ARL15: variants seen among roughly 807,000 people sequenced by gnomAD.
The protein encoded by ARL15 is ARF like GTPase 15, also known as ADP-ribosylation factor-like protein 15.
In ARL15, 19 loss-of-function variants were observed where a neutral mutation model predicts 25.2. The observed-to-expected ratio is 0.75, with a 90% CI of 0.53 to 1.10. ARL15 has a LOEUF of 1.10. Ranked by LOEUF, ARL15 falls within the 50% of genes least tolerant of loss-of-function variation. ARL15 has a pLI of 0.00. For synonymous variants in ARL15, 94 were observed against 86.8 expected, an observed-to-expected ratio of 1.08 and a Z score of -0.46; for missense variants, 220 against 246.0, an observed-to-expected ratio of 0.89 and a Z score of 0.71.
At chr5:54,078,616 T>A (rs1014885096) in intron 4 of ARL15, among the ~76,000 whole-genome samples, 1 of 152,180 alleles carries the variant, frequency 6.6e-6, no homozygotes, top group Non-Finnish European at 1.5e-5. Context: ...GACAGGAGTA[T>A]CCTCCAAAAT....
At chr5:54,205,536 T>C (rs1306188924) in intron 1 of ARL15, among the ~76,000 whole-genome samples, 1 of 152,186 alleles carries the variant, frequency 6.6e-6, no homozygotes, top group South Asian at 2.1e-4. Context: ...ATCTGACACT[T>C]ACCGAAGAGC....
At chr5:53,924,749 A>G (rs916536280) in intron 4 of ARL15, among the ~76,000 whole-genome samples, 3 of 152,160 alleles carry the variant, frequency 2.0e-5, no homozygotes, top group Non-Finnish European at 4.4e-5. Context: ...GTGCACAGGG[A>G]CTTTGGTTCT....
chr5:54,278,168 CA>C (rs1203664693), intron 1 of ARL15, among the ~76,000 whole-genome samples: 2 of 152,286 alleles, frequency 1.3e-5, no homozygotes, highest in Non-Finnish European at 2.9e-5. Flanking sequence ...TTATAGTTCC[CA>C]ACGCAGGGAA....
chr5:54,288,775 T>A (rs1478887007), intron 1 of ARL15, among the ~76,000 whole-genome samples: 3 of 152,204 alleles, frequency 2.0e-5, no homozygotes, highest in Admixed American at 2.0e-4. Flanking sequence ...GACAAGCCTC[T>A]TTGACTCTGT....
At chr5:53,954,565 C>A (rs1402891310) in intron 4 of ARL15, among the ~76,000 whole-genome samples, 1 of 152,144 alleles carries the variant, frequency 6.6e-6, no homozygotes, top group Non-Finnish European at 1.5e-5. Context: ...TCCTTTCACA[C>A]CAAATGCTTG....
intron 4 of ARL15, among the ~76,000 whole-genome samples, chr5:53,935,505 A>T (rs1212312804): frequency 6.6e-6 from 1 of 152,234 alleles, no homozygotes; most frequent in Non-Finnish European, 1.5e-5. Flanking sequence ...CTCCCTACAG[A>T]GAGGCAACTG....
intron 3 of ARL15, among the ~76,000 whole-genome samples, chr5:54,117,179 C>A (rs1752926169): frequency 6.6e-6 from 1 of 152,046 alleles, no homozygotes; most frequent in East Asian, 1.9e-4. Context: ...CAAATACATC[C>A]ACACATTAGA....
chr5:53,928,410 C>G (rs905156843), intron 4 of ARL15, among the ~76,000 whole-genome samples: 1 of 152,132 alleles, frequency 6.6e-6, no homozygotes, highest in Non-Finnish European at 1.5e-5. Context: ...CTTTTTACTT[C>G]CAATTCTCCA....
At chr5:53,930,618 G>T (rs1746167777) in intron 4 of ARL15, among the ~76,000 whole-genome samples, 1 of 151,998 alleles carries the variant, frequency 6.6e-6, no homozygotes, top group African/African-American at 2.4e-5. Context: ...CACACTCTAG[G>T]TTGCTCAACA....
At chr5:53,916,880 G>T (rs1417174356) in intron 4 of ARL15, among the ~76,000 whole-genome samples, 1 of 152,100 alleles carries the variant, frequency 6.6e-6, no homozygotes, top group Non-Finnish European at 1.5e-5. Flanking sequence ...ATTTTGCTCT[G>T]CATATCAAAG....
intron 1 of ARL15, among the ~76,000 whole-genome samples, chr5:54,292,438 T>C (rs561979153): frequency 4.6e-5 from 7 of 152,274 alleles, no homozygotes; most frequent in African/African-American, 1.7e-4. Flanking sequence ...CCACCTGTTA[T>C]CAGCAAGCGG....
chr5:53,991,499 G>A (rs1214461832), intron 4 of ARL15, among the ~76,000 whole-genome samples: 1 of 124,588 alleles, frequency 8.0e-6, no homozygotes, highest in Non-Finnish European at 1.6e-5. Flanking sequence ...CTGAGATTGC[G>A]CCATTGCACT....
At position 54,025,309 on chromosome 5, in the gene ARL15, C is replaced by G. The variant is rs145931686; in HGVS notation, c.462+87893G>C. Among the ~76,000 whole-genome samples, 11 of 138,608 alleles carry G rather than the reference C, an allele frequency of 7.9e-5. No homozygotes were observed. The East Asian group carries it at 1.9e-3, about 24-fold the overall frequency. The allele number at this position is 138,608 out of a possible 152,430, so 90.9% of individuals were successfully genotyped here. ...GACCAAAAAAAAAAAAAAAAAAAAGCAAACAACAGTCACATATTGAAAGCA... is the reference window on the plus strand; with the variant it reads ...GACCAAAAAAAAAAAAAAAAAAAAGGAAACAACAGTCACATATTGAAAGCA... On this transcript the variant is annotated intron_variant, in intron 4 of 4. Coordinates refer to ENST00000504924, the MANE Select transcript of ARL15 (RefSeq NM_019087.3).
intron 1 of ARL15, among the ~76,000 whole-genome samples, chr5:54,181,703 G>A (rs968266032): frequency 3.9e-5 from 6 of 152,278 alleles, no homozygotes; most frequent in East Asian, 1.9e-4. Context: ...GGAGGTCAAC[G>A]GAGGAGGATC....
rs188186438 is a variant in ARL15, at chr5:54,039,007, G to A, written c.462+74195C>T. 2.4e-4 allele frequency among the ~76,000 whole-genome samples: 37 copies of A among 152,294 alleles called. 1 individual carries two copies. The East Asian group carries it at 6.9e-3, about 29-fold the overall frequency. ...TCCAAGATGCAATAAAGTTCTTAGT[G>A]ATCAAAATGAAGTGCTGAGATTGCC... On this transcript the variant is annotated intron_variant, in intron 4 of 4. Coordinates refer to ENST00000504924, the MANE Select transcript of ARL15 (RefSeq NM_019087.3).
chr5:54,229,400 CCTT>C (rs1266031104), intron 1 of ARL15, among the ~76,000 whole-genome samples: 1 of 152,072 alleles, frequency 6.6e-6, no homozygotes, highest in African/African-American at 2.4e-5. Context: ...CTGTAGAAAT[CCTT>C]CGGGTACCTG....
intron 4 of ARL15, among the ~76,000 whole-genome samples, chr5:53,924,101 C>T (rs902097954): frequency 2.6e-5 from 4 of 152,166 alleles, no homozygotes; most frequent in South Asian, 2.1e-4. Flanking sequence ...TAAAAGTGTC[C>T]GGAGAAAGGT....
At chr5:53,887,166 A>G (rs1462235213) in intron 4 of ARL15, among the ~76,000 whole-genome samples, 2 of 152,210 alleles carry the variant, frequency 1.3e-5, no homozygotes. Context: ...TATTTTGACC[A>G]TCAAGCACAT....
intron 4 of ARL15, among the ~76,000 whole-genome samples, chr5:54,044,633 C>T (rs924172024): frequency 1.3e-5 from 2 of 152,140 alleles, no homozygotes; most frequent in Non-Finnish European, 2.9e-5. Context: ...ATCTCTCATA[C>T]ATAATATTTT....
Sources: allele counts gnomAD v4.1 joint callset (sites outside exome capture counted in the v4.1 genomes callset), GRCh38; gene constraint gnomAD v4.1.1; transcripts MANE v1.5; gene names NCBI Gene and HGNC (gene_info 2026-07-23, HGNC 2026-07-21).